The following ITGA3 variants were observed in gnomAD, a reference collection of about 807,000 sequenced individuals.
ITGA3 encodes integrin subunit alpha 3, also known as integrin alpha-3.
In ITGA3, 70 loss-of-function variants were observed where a neutral mutation model predicts 131.1. The observed-to-expected ratio is 0.53, with a 90% CI of 0.44 to 0.65. ITGA3 has a LOEUF of 0.65. Ranked by LOEUF, ITGA3 falls within the 30% of genes least tolerant of loss-of-function variation. The pLI is 0.00. For missense variants in ITGA3, 1,098 were observed against 1,388.6 expected (o/e 0.79, Z 3.33); for synonymous variants, 537 against 571.6 (o/e 0.94, Z 0.86).
intron 6 of ITGA3, chr17:50,071,733 C>A (rs976719815): frequency 8.1e-6 from 5 of 618,642 alleles, no homozygotes; most frequent in Admixed American, 2.9e-5. Context: ...GATTTGTATG[C>A]TCCAGTGGAT....
chr17:50,080,735 G>C (rs1175488298), intron 22 of ITGA3, among the ~76,000 whole-genome samples: 9 of 152,014 alleles, frequency 5.9e-5, no homozygotes, highest in African/African-American at 2.2e-4. Flanking sequence ...CTCTTTTCTG[G>C]CTTTTCCAGC....
intron 5 of ITGA3, 145 bp downstream of exon 5, chr17:50,071,075 C>A: frequency 1.4e-6 from 1 of 728,964 alleles, no homozygotes. Context: ...GTATGCCAGG[C>A]CCTGTTCCAA....
In ITGA3 at chr17:50,064,250, A is replaced by C. The variant is rs1908224625; in HGVS notation, c.334+46A>C. 6.4e-7 allele frequency: 1 copy of C among 1,573,450 alleles called. No individual in the cohort carries two copies. The highest frequency in any genetic ancestry group is 8.6e-7 in the Non-Finnish European group (1 of 1,161,688). The stretch of plus-strand genomic sequence containing the variant: ...AGGGGTGCTGGGTCAGAGGTCTGGC[A>C]GGGGGGTACCGCAGAGAGAATGGCC... On this transcript the variant is annotated intron_variant, in intron 2 of 25. Coordinates refer to ENST00000320031, the MANE Select transcript of ITGA3 (RefSeq NM_002204.4). The surrounding 1 kb of genome is among the most constrained non-coding windows in gnomAD (Gnocchi z 4.4).
chr17:50,061,499 G>A (rs371057507), intron 1 of ITGA3, among the ~76,000 whole-genome samples: 41 of 150,888 alleles, frequency 2.7e-4, no homozygotes, highest in African/African-American at 9.6e-4. Context: ...CCCAAGGCCC[G>A]GCCTCCCACT....
rs746140749 is a variant in ITGA3, at chr17:50,075,595, G to A, written c.1538-4G>A. 9 of 1,614,130 alleles carry A rather than the reference G, an allele frequency of 5.6e-6. No individual in the cohort carries two copies. The Admixed American group carries it at 1.5e-4, about 27-fold the overall frequency. On this transcript the variant is annotated splice_region_variant and splice_polypyrimidine_tract_variant and intron_variant, in intron 11 of 25. Coordinates refer to ENST00000320031, the MANE Select transcript of ITGA3 (RefSeq NM_002204.4). Reference sequence around the variant, plus strand: ...CCCTTGCTGACCACCCTGTCTACCTGTAGCCCTGGCCTACACTCTGGAGGC... The same window carrying A: ...CCCTTGCTGACCACCCTGTCTACCTATAGCCCTGGCCTACACTCTGGAGGC...
intron 5 of ITGA3, 86 bp from the exon 6 acceptor site, chr17:50,071,225 C>A: frequency 8.4e-7 from 1 of 1,187,166 alleles, no homozygotes; most frequent in South Asian, 1.3e-5. Context: ...TGGTGGGGGG[C>A]AAGAGAGGGA....
intron 1 of ITGA3, among the ~76,000 whole-genome samples, chr17:50,061,134 G>T (rs904662067): frequency 2.6e-5 from 4 of 152,130 alleles, no homozygotes; most frequent in East Asian, 1.9e-4. Flanking sequence ...CTCTGGGGGG[G>T]TGAAGCGGGG....
Position 50,077,466 on chromosome 17 carries a change from C to T in ITGA3, c.2139+19C>T, listed in dbSNP as rs758748877. 5 of 1,590,920 alleles carry T rather than the reference C, an allele frequency of 3.1e-6. No individual in the cohort carries two copies. Among genetic ancestry groups the T allele is most frequent in the Admixed American group, 1.7e-5 (1 of 59,950 alleles). ...CCAGAGGGTGAGCACCGGCCACATC[C>T]TCCCAGTCCTCCTGGGTCCCTGGCT... is the stretch of plus-strand genomic sequence containing the variant. On this transcript the variant is annotated intron_variant, in intron 16 of 25. Coordinates refer to ENST00000320031, the MANE Select transcript of ITGA3 (RefSeq NM_002204.4).
At chr17:50,086,408 G>C (rs1411179041) in intron 23 of ITGA3, 1 of 150,860 alleles carries the variant, frequency 6.6e-6, no homozygotes, top group Non-Finnish European at 1.5e-5. Flanking sequence ...AACAAACACG[G>C]CTGGGCACAG....
intron 16 of ITGA3, 136 bp downstream of exon 16, chr17:50,077,583 C>A: frequency 1.4e-6 from 1 of 704,882 alleles, no homozygotes; most frequent in Non-Finnish European, 2.5e-6. Flanking sequence ...GGAGGAGAGA[C>A]TCAGTAGAGG....
In ITGA3 at chr17:50,071,436, C is replaced by A. The variant is rs759973429; in HGVS notation, c.877C>A (p.Arg293=). ...GAGCCAGGAGGCAGGCGGAGACCTG[C>A]GGAGGAGGCAGGTGCTGGAGGGCTC... ...LLSQEAGGDL[R]RRQVLEGSQV... Residue 293 remains arginine, a synonymous_variant, in exon 6 of 26, where the codon CGG becomes AGG. Coordinates refer to ENST00000320031, the MANE Select transcript of ITGA3 (RefSeq NM_002204.4). 5.6e-6 allele frequency: 9 copies of A among 1,613,886 alleles called. No individual in the cohort carries two copies. In the East Asian group the frequency reaches 1.8e-4, roughly 32 times the overall value.
At position 50,075,672 on chromosome 17, in the gene ITGA3, T is replaced by G. The variant is rs1908855223; in HGVS notation, c.1611T>G (p.Ala537=). 1.9e-6 allele frequency: 3 copies of G among 1,614,204 alleles called. No individual in the cohort carries two copies. The highest frequency in any genetic ancestry group is 2.5e-6 in the Non-Finnish European group (3 of 1,180,032). Residue 537 remains alanine, a synonymous_variant, in exon 12 of 26, where the codon GCT becomes GCG. Coordinates refer to ENST00000320031, the MANE Select transcript of ITGA3 (RefSeq NM_002204.4). ...TCCGCTTTGCCGGCAGTGAGTCCGC[T>G]GTCTTCCACGGCTTCTTCTCCATGC... ...PRLRFAGSES[A]VFHGFFSMPE... is the part of the protein sequence containing the mutation.
chr17:50,073,871 G>A (rs1477776960), intron 7 of ITGA3, 45 bp from the exon 8 acceptor site: 1 of 1,413,522 alleles, frequency 7.1e-7, no homozygotes, highest in South Asian at 1.1e-5. Flanking sequence ...GGAGACGTGG[G>A]GCCCAGAGTA....
Position 50,089,443 on chromosome 17 carries a change from G to C in ITGA3, c.*365G>C, listed in dbSNP as rs1179113025. On this transcript the variant is annotated 3_prime_UTR_variant, in exon 26 of 26. Transcript: ENST00000320031. ...TCTGGCCCTGGGGATCTTCCCACAG[G>C]AGGGCCAGCGCTGTGGACCTTACAA... 1 of 610,076 alleles carries C rather than the reference G, an allele frequency of 1.6e-6. No individual in the cohort carries two copies. Among genetic ancestry groups the C allele is most frequent in the Admixed American group, 2.9e-5 (1 of 34,826 alleles). The allele number at this position is 610,076 out of a possible 1,614,324, so 37.8% of individuals were successfully genotyped here.
At chr17:50,068,996 C>T (rs1374032560) in intron 4 of ITGA3, among the ~76,000 whole-genome samples, 4 of 151,678 alleles carry the variant, frequency 2.6e-5, no homozygotes, top group Non-Finnish European at 5.9e-5. Flanking sequence ...TACAGGTGCC[C>T]GCCACCATGC....
rs1908216747 is a variant in ITGA3 at position 50,064,122 on chromosome 17, C to T, written c.252C>T (p.Tyr84=). 5.6e-6 allele frequency: 9 copies of T among 1,612,646 alleles called. No individual in the cohort carries two copies. The highest frequency in any genetic ancestry group is 1.1e-5 in the South Asian group (1 of 90,642). Residue 84 remains tyrosine (Y), a synonymous_variant, in exon 2 of 26, where the codon TAC becomes TAT. Coordinates refer to ENST00000320031, the MANE Select transcript of ITGA3 (RefSeq NM_002204.4). The surrounding 1 kb of genome is among the most constrained non-coding windows in gnomAD (Gnocchi z 4.4). The part of the protein sequence containing the change: ...APRELAVPDG[Y]TNRTGAVYLC... ...GGGAGCTCGCTGTGCCCGATGGCTA[C>T]ACCAACCGGACTGGTGCTGTGTACC...
intron 4 of ITGA3, 84 bp downstream of exon 4, chr17:50,068,389 C>A: frequency 1.4e-6 from 2 of 1,474,444 alleles, no homozygotes; most frequent in Non-Finnish European, 1.8e-6. Context: ...CTGGCCTAGA[C>A]CATCCACACT....
chr17:50,074,246 G>C lies in ITGA3; in HGVS notation c.1348G>C (p.Val450Leu). Residue 450 changes from valine to leucine, a missense_variant, in exon 9 of 26, where the codon GTG becomes CTG. Val to Leu is a conservative substitution (Grantham distance 32). Coordinates refer to ENST00000320031, the MANE Select transcript of ITGA3 (RefSeq NM_002204.4). ...TGAGAACTTCTACCCAGACCTTCTAGTGGGAAGCCTGTCAGACCACATTGT... is the reference window on the plus strand; with the variant it reads ...TGAGAACTTCTACCCAGACCTTCTACTGGGAAGCCTGTCAGACCACATTGT... ...VDENFYPDLLVGSLSDHIVLL... is the reference protein window; with the variant it reads ...VDENFYPDLLLGSLSDHIVLL... 1 of 1,614,236 alleles carries C rather than the reference G, an allele frequency of 6.2e-7. No homozygotes were observed.
chr17:50,070,644 C>CAAAAAAAAAAAAAAAAAAAAA (rs59600840), intron 4 of ITGA3, among the ~76,000 whole-genome samples, 200 bp from the exon 5 acceptor site: 1 of 69,424 alleles, frequency 1.4e-5, no homozygotes, highest in Non-Finnish European at 2.9e-5. Context: ...AAGACTGTCT[C>CAAAAAAAAAAAAAAAAAAAAA]AAAAAAAAAA....
Sources: gnomAD v4.1 joint callset for allele counts (sites outside exome capture counted in the v4.1 genomes callset) on GRCh38, gnomAD v4.1.1 for gene constraint, Gnocchi (gnomAD v3.1) non-coding constraint, MANE v1.5 for transcripts, NCBI Gene and HGNC (gene_info 2026-07-23, HGNC 2026-07-21) for gene names.